The following RBFOX1 variants were observed in gnomAD, a reference collection of about 807,000 sequenced individuals.
RBFOX1 encodes the protein RNA binding fox-1 homolog 1.
In RBFOX1, 8 loss-of-function variants were observed where a neutral mutation model predicts 57.7. The ratio of observed to expected loss-of-function variants is 0.14; its 90% CI spans 0.08 to 0.25. The LOEUF (loss-of-function observed/expected upper bound fraction) is 0.25, where lower values mean the gene tolerates loss of function less well. Ranked by LOEUF, RBFOX1 falls within the 10% of genes least tolerant of loss-of-function variation. RBFOX1 has a pLI of 1.00. For missense variants in RBFOX1, 611 were observed against 548.5 expected (o/e 1.11, Z -1.14); for synonymous variants, 326 against 222.4 (o/e 1.47, Z -4.15).
chr16:5,968,512 C>G (rs2059897365), intron 4 of RBFOX1, among the ~76,000 whole-genome samples: 3 of 152,180 alleles, frequency 2.0e-5, no homozygotes, highest in Admixed American at 2.0e-4. Flanking sequence ...ATTTAAGTCT[C>G]TTAAATATTA....
chr16:6,215,263 G>T (rs377674732), intron 1 of RBFOX1, among the ~76,000 whole-genome samples: 1 of 129,654 alleles, frequency 7.7e-6, no homozygotes, highest in Admixed American at 7.7e-5. Flanking sequence ...GAGAGAGAAG[G>T]GCAGAGGGAG....
At chr16:6,090,101 C>G (rs936643848) in intron 1 of RBFOX1, 10 of 152,182 alleles carry the variant, frequency 6.6e-5, no homozygotes, top group African/African-American at 2.4e-4. Flanking sequence ...CATGCCTTGG[C>G]TCGTGGCCCC....
chr16:6,998,602 C>T (rs935518462), intron 3 of RBFOX1, among the ~76,000 whole-genome samples: 5 of 152,094 alleles, frequency 3.3e-5, no homozygotes, highest in African/African-American at 7.2e-5. Flanking sequence ...TCATTGTGAT[C>T]GATGACTTTT....
chr16:5,860,104 A>T (rs112885998), intron 3 of RBFOX1, among the ~76,000 whole-genome samples: 1 of 151,772 alleles, frequency 6.6e-6, no homozygotes, highest in Admixed American at 6.6e-5. Context: ...TTTTTTTGTG[A>T]TGGAGTCTCA....
intron 3 of RBFOX1, among the ~76,000 whole-genome samples, chr16:6,863,670 T>TA (rs71408411): frequency 0.23 from 24,320 of 105,204 alleles, 3,237 homozygotes; most frequent in African/African-American, 0.28. Flanking sequence ...TTTTTTTCCT[T>TA]AAAAAAAAAA....
chr16:6,588,709 T>C (rs1264906025), intron 2 of RBFOX1, among the ~76,000 whole-genome samples: 1 of 152,180 alleles, frequency 6.6e-6, no homozygotes, highest in Non-Finnish European at 1.5e-5. Flanking sequence ...TTCTATGATG[T>C]TGATTTACAA....
chr16:7,172,127 A>C (rs2080822679), intron 4 of RBFOX1, among the ~76,000 whole-genome samples: 1 of 152,220 alleles, frequency 6.6e-6, no homozygotes, highest in Admixed American at 6.5e-5. Context: ...CAATTAGATA[A>C]GTTATAAATG....
intron 3 of RBFOX1, among the ~76,000 whole-genome samples, chr16:6,720,810 T>G (rs146310591): frequency 2.7e-4 from 41 of 152,290 alleles, no homozygotes; most frequent in African/African-American, 8.4e-4. Context: ...TCTGAAGGAT[T>G]AAGGATGTTG....
At chr16:5,415,108 G>A (rs1008352) in intron 1 of RBFOX1, among the ~76,000 whole-genome samples, 66,107 of 152,068 alleles carry the variant, frequency 0.43, 15,888 homozygotes, top group East Asian at 0.6. Context: ...ATCACACCGT[G>A]TATTAGTCCT....
chr16:5,728,927 A>C (rs8063739), intron 3 of RBFOX1, among the ~76,000 whole-genome samples: 66,823 of 152,004 alleles, frequency 0.44, 18,214 homozygotes, highest in East Asian at 0.8. Flanking sequence ...TCACCTCTCA[A>C]CCTCAACTGA....
At chr16:5,925,637 G>A (rs1309051480) in intron 4 of RBFOX1, among the ~76,000 whole-genome samples, 2 of 152,048 alleles carry the variant, frequency 1.3e-5, no homozygotes, top group African/African-American at 4.8e-5. Context: ...TTAACATAGT[G>A]AATTTTATGT....
In RBFOX1 at chr16:6,328,186, C is replaced by G. The variant is rs759853490; in HGVS notation, c.-64+11129C>G. ...GACTATTATCCTAAGGAAGGGAAAA[C>G]AAAATATCGTATGTTCTGACTCATA... On this transcript the variant is annotated intron_variant, in intron 2 of 15. Transcript: ENST00000550418. Among the ~76,000 whole-genome samples, 4 of 151,926 alleles carry G rather than the reference C, an allele frequency of 2.6e-5. No individual in the cohort carries two copies. In the East Asian group the frequency reaches 5.8e-4, roughly 22 times the overall value.
intron 3 of RBFOX1, among the ~76,000 whole-genome samples, chr16:5,718,875 C>T (rs959357566): frequency 6.6e-6 from 1 of 152,014 alleles, no homozygotes; most frequent in East Asian, 1.9e-4. Context: ...CACCAATTTA[C>T]CCCAGTCTAG....
intron 3 of RBFOX1, among the ~76,000 whole-genome samples, chr16:6,955,880 A>C (rs1265830781): frequency 6.6e-6 from 1 of 151,634 alleles, no homozygotes; most frequent in East Asian, 1.9e-4. Context: ...TAAATTTTGT[A>C]ATTTTAGTAG....
At chr16:5,553,970 CTTT>C (rs36068724) in intron 2 of RBFOX1, among the ~76,000 whole-genome samples, 15 of 133,492 alleles carry the variant, frequency 1.1e-4, no homozygotes, top group Admixed American at 2.3e-4. Flanking sequence ...AACACGTATT[CTTT>C]TTTTTTTTTT....
chr16:7,514,811 C>G (rs937943256), intron 4 of RBFOX1, among the ~76,000 whole-genome samples: 3 of 152,304 alleles, frequency 2.0e-5, no homozygotes, highest in East Asian at 3.9e-4. Context: ...TACAAGGAGC[C>G]TTAGCTCTTT....
intron 14 of RBFOX1, among the ~76,000 whole-genome samples, chr16:7,704,815 C>T (rs2081924229): frequency 1.3e-5 from 2 of 152,030 alleles, no homozygotes; most frequent in South Asian, 2.1e-4. Flanking sequence ...CTTTGGGAGG[C>T]CAAGGCAGGC....
chr16:5,729,605 A>C (rs1362120663), intron 3 of RBFOX1, among the ~76,000 whole-genome samples: 1 of 152,112 alleles, frequency 6.6e-6, no homozygotes, highest in East Asian at 1.9e-4. Context: ...GATAATTTGC[A>C]TCTTTACTAA....
chr16:7,162,309 A>G (rs1339820291), intron 4 of RBFOX1, among the ~76,000 whole-genome samples: 2 of 152,192 alleles, frequency 1.3e-5, no homozygotes, highest in East Asian at 3.8e-4. Flanking sequence ...ACATACATGC[A>G]CACATATGTA....
Sources: gnomAD v4.1 joint callset for allele counts (sites outside exome capture counted in the v4.1 genomes callset) on GRCh38, gnomAD v4.1.1 for gene constraint, MANE v1.5 for transcripts, NCBI Gene and HGNC (gene_info 2026-07-23, HGNC 2026-07-21) for gene names.